Variants in PAK4 observed in about 807,000 individuals in gnomAD.
PAK4 encodes p21 (RAC1) activated kinase 4.
PAK4 carries 49 observed loss-of-function variants against 53.5 expected under a neutral mutation model. The observed-to-expected ratio is 0.92, with a 90% CI of 0.73 to 1.16. PAK4 has a LOEUF of 1.16. Among genes scored for constraint, PAK4 ranks in the 50% most tolerant of loss-of-function variants. The pLI, the probability that PAK4 is intolerant of heterozygous loss-of-function variation, is 0.00. For missense variants in PAK4, 824 were observed against 850.7 expected, an observed-to-expected ratio of 0.97 and a Z score of 0.39; for synonymous variants, 376 against 375.6, an observed-to-expected ratio of 1.00 and a Z score of -0.01.
rs1263093196 is a variant in PAK4, at chr19:39,161,325, A to G, written c.-22-8207A>G. On this transcript the variant is annotated intron_variant, in intron 1 of 8. Coordinates refer to ENST00000358301, the Ensembl canonical transcript of PAK4. The surrounding 1 kb of genome is among the most constrained non-coding windows in gnomAD (Gnocchi z 4.5). ...GGCAACGCTGAGGGCCCTGGAGGGA[A>G]CGGACCTAGGCTGACTGCGCCAGGC... is the stretch of plus-strand genomic sequence containing the variant. Among the ~76,000 whole-genome samples the G allele has an allele frequency of 6.6e-6, 1 of 152,196 alleles. No homozygotes were observed. The highest frequency in any genetic ancestry group is 1.5e-5 in the Non-Finnish European group (1 of 68,028).
chr19:39,132,139 C>T (rs1413823922), intron 1 of PAK4, among the ~76,000 whole-genome samples: 1 of 152,342 alleles, frequency 6.6e-6, no homozygotes, highest in East Asian at 1.9e-4. Context: ...TGAGCATGGT[C>T]ATGTGGCTGT....
intron 2 of PAK4, among the ~76,000 whole-genome samples, chr19:39,171,848 A>G (rs938218430): frequency 6.6e-6 from 1 of 152,172 alleles, no homozygotes; most frequent in African/African-American, 2.4e-5. Context: ...CTCACTCACT[A>G]CGTGGTTTAG....
At chr19:39,171,655 G>A (rs1229716257) in intron 2 of PAK4, among the ~76,000 whole-genome samples, 2 of 152,200 alleles carry the variant, frequency 1.3e-5, no homozygotes, top group Non-Finnish European at 1.5e-5. Context: ...TTTTCTACAC[G>A]TTACAGGCAG....
chr19:39,175,252 C>T lies in PAK4; in HGVS notation c.1233-60C>T. On this transcript the variant is annotated intron_variant, in intron 5 of 8. Coordinates refer to ENST00000358301, the Ensembl canonical transcript of PAK4. The surrounding 1 kb of genome is among the most constrained non-coding windows in gnomAD (Gnocchi z 4.7). ...CTCCCACTGCAAGGCAGGGCTGCGT[C>T]CCCCTCGGCACCCCGGGGTGCTGTC... 2 of 1,522,336 alleles carry T rather than the reference C, an allele frequency of 1.3e-6. No homozygotes were observed. The highest frequency in any genetic ancestry group is 1.8e-6 in the Non-Finnish European group (2 of 1,123,060). The allele number at this position is 1,522,336 out of a possible 1,614,324, so 94.3% of individuals were successfully genotyped here. A position where few individuals can be genotyped will look rare whatever the true frequency, so the allele number is the denominator to read the frequency against.
chr19:39,167,296 G>A (rs771098083), intron 1 of PAK4, among the ~76,000 whole-genome samples: 12 of 152,242 alleles, frequency 7.9e-5, no homozygotes, highest in Non-Finnish European at 1.2e-4. Flanking sequence ...AAAGGGGGTG[G>A]AGGGACATCT....
exon 8 of PAK4, chr19:39,177,694 G>A: frequency 1.2e-6 from 2 of 1,613,540 alleles, no homozygotes; most frequent in Non-Finnish European, 1.7e-6. Flanking sequence ...TGGTCGCTGG[G>A]GATAATGGTG....
At position 39,173,222 on chromosome 19, in the gene PAK4, C is replaced by T. The variant is rs1487486802; in HGVS notation, c.509C>T (p.Pro170Leu). ...TCTTCCAGGGAGGGCTCAGGGGGTCCCCAGGAGTCCTCCCGGGACAAACGC... is the reference window on the plus strand; with the variant it reads ...TCTTCCAGGGAGGGCTCAGGGGGTCTCCAGGAGTCCTCCCGGGACAAACGC... Residue 170 changes from proline (P) to leucine (L), a missense_variant, in exon 3 of 9, where the codon CCC becomes CTC. Physicochemically the swap from Pro to Leu is moderately conservative, Grantham distance 98 (BLOSUM62 -3). This residue lies in a region of PAK4 where 478 missense variants were observed against 435.8 expected (regional missense o/e 1.10). Coordinates refer to ENST00000358301, the Ensembl canonical transcript of PAK4. This position sits in a 1 kb window ranked among gnomAD's most constrained non-coding sequence, Gnocchi z 6.9. 3 of 1,562,526 alleles carry T rather than the reference C, an allele frequency of 1.9e-6. No individual in the cohort carries two copies. In the South Asian group the frequency reaches 3.5e-5, roughly 18 times the overall value.
chr19:39,144,153 T>C (rs1431044204), intron 1 of PAK4, among the ~76,000 whole-genome samples: 2,348 of 117,114 alleles, frequency 0.02, 61 homozygotes, highest in African/African-American at 0.066. Context: ...GATAGATAGA[T>C]AGATAGATTA....
At position 39,178,765 on chromosome 19, in the gene PAK4, A is replaced by C; in HGVS notation, c.*186A>C. On this transcript the variant is annotated 3_prime_UTR_variant, in exon 9 of 9. Transcript: ENST00000358301. The surrounding 1 kb of genome is among the most constrained non-coding windows in gnomAD (Gnocchi z 4.4). Reference sequence around the variant, plus strand: ...AGTTTTGATCTCGTGACTTTTAGAAAAACACAGGGACTCGTGGGAGCAAGC... The same window carrying C: ...AGTTTTGATCTCGTGACTTTTAGAACAACACAGGGACTCGTGGGAGCAAGC... 1 of 527,420 alleles carries C rather than the reference A, an allele frequency of 1.9e-6. No homozygotes were observed. Among genetic ancestry groups the C allele is most frequent in the Non-Finnish European group, 3.3e-6 (1 of 301,080 alleles). 32.7% of individuals were successfully genotyped at this position (527,420 alleles called of 1,614,324 possible).
chr19:39,176,787 C>T (rs1331259352), intron 7 of PAK4, 72 bp downstream of exon 8: 28 of 1,560,730 alleles, frequency 1.8e-5, no homozygotes, highest in African/African-American at 8.1e-5. Flanking sequence ...GCAGCGCTGG[C>T]GGGAGATGGG....
At chr19:39,136,551 C>T (rs755486788) in intron 1 of PAK4, 7 of 152,334 alleles carry the variant, frequency 4.6e-5, no homozygotes, top group Non-Finnish European at 1.0e-4. Context: ...AGGAGCAGCC[C>T]CTGTCACCCT....
chr19:39,129,060 T>G (rs2073647988), intron 1 of PAK4, among the ~76,000 whole-genome samples: 1 of 152,184 alleles, frequency 6.6e-6, no homozygotes, highest in African/African-American at 2.4e-5. Context: ...TTCTGCAAGT[T>G]GCTGTTTTTG....
At chr19:39,142,166 A>G (rs947346250) in intron 1 of PAK4, among the ~76,000 whole-genome samples, 1 of 152,066 alleles carries the variant, frequency 6.6e-6, no homozygotes, top group African/African-American at 2.4e-5. Flanking sequence ...TTTGGCGTGC[A>G]TGTTGTCGTA....
chr19:39,142,741 G>C (rs1191498672), intron 1 of PAK4, among the ~76,000 whole-genome samples: 1 of 152,156 alleles, frequency 6.6e-6, no homozygotes, highest in Non-Finnish European at 1.5e-5. Flanking sequence ...TCAGAACAGA[G>C]TGGTCTCCCA....
chr19:39,174,814 C>A, intron 4 of PAK4, 117 bp from the exon 6 acceptor site: 1 of 1,222,672 alleles, frequency 8.2e-7, no homozygotes, highest in Non-Finnish European at 1.2e-6. Context: ...TCCAGGTGGC[C>A]CCAGTGAGCA....
rs544304301 is a variant in PAK4, at chr19:39,143,592, C to CAAAAAAAAAAAAAAAA, written c.-23+17689_-23+17704dup. On this transcript the variant is annotated intron_variant, in intron 1 of 8. Transcript: ENST00000358301. Reference sequence around the variant, plus strand: ...TGGGTGACAGAGCAAGACTCTGTCTCAAAAAAAAAAAAAAAAAAAAAAAAA... The same window carrying CAAAAAAAAAAAAAAAA: ...TGGGTGACAGAGCAAGACTCTGTCTCAAAAAAAAAAAAAAAAAAAAAAAAAAAAAAAAAAAAAAAAA... Among the ~76,000 whole-genome samples the CAAAAAAAAAAAAAAAA allele has an allele frequency of 2.9e-4, 6 of 20,440 alleles. 1 individual carries two copies. Among genetic ancestry groups the CAAAAAAAAAAAAAAAA allele is most frequent in the Non-Finnish European group, 5.4e-4 (6 of 11,214 alleles). 13.4% of individuals were successfully genotyped at this position (20,440 alleles called of 152,430 possible).
chr19:39,137,865 G>A (rs2073844320), intron 1 of PAK4, among the ~76,000 whole-genome samples: 1 of 152,008 alleles, frequency 6.6e-6, no homozygotes, highest in Non-Finnish European at 1.5e-5. Flanking sequence ...ATGAGGCTTT[G>A]CCGTGTTAGC....
chr19:39,174,034 C>T, intron 4 of PAK4, 24 bp downstream of exon 5: 1 of 1,472,456 alleles, frequency 6.8e-7, no homozygotes, highest in East Asian at 2.5e-5. Flanking sequence ...TGCCCTGCCG[C>T]CCTGCTGGTC....
chr19:39,139,191 G>A (rs950503005), intron 1 of PAK4, among the ~76,000 whole-genome samples: 4 of 152,176 alleles, frequency 2.6e-5, no homozygotes, highest in African/African-American at 9.7e-5. Context: ...TGTGGGTCTT[G>A]GCTTAAAGGT....
Sources: allele counts gnomAD v4.1 joint callset (sites outside exome capture counted in the v4.1 genomes callset), GRCh38; gene constraint gnomAD v4.1.1; regional missense constraint gnomAD v4.1.1; non-coding constraint Gnocchi (gnomAD v3.1); transcripts MANE v1.5; gene names NCBI Gene and HGNC (gene_info 2026-07-23, HGNC 2026-07-21).